The following SGCZ variants were observed in gnomAD, a reference collection of about 807,000 sequenced individuals.
SGCZ encodes sarcoglycan zeta, also known as zeta-sarcoglycan.
SGCZ carries 40 observed loss-of-function variants against 41.3 expected under a neutral mutation model. The ratio of observed to expected loss-of-function variants is 0.97; its 90% CI spans 0.75 to 1.26. The LOEUF (loss-of-function observed/expected upper bound fraction) is 1.26. SGCZ is among the 50% of genes most tolerant of loss of function. SGCZ has a pLI of 0.00. For missense variants in SGCZ, 552 were observed against 369.8 expected (o/e 1.49, Z -4.04); for synonymous variants, 206 against 137.5 (o/e 1.50, Z -3.49).
chr8:15,206,292 G>A (rs549776715), intron 1 of SGCZ, among the ~76,000 whole-genome samples: 205 of 152,248 alleles, frequency 1.3e-3, no homozygotes, highest in African/African-American at 4.8e-3. Context: ...ATTACAGGCT[G>A]AGTTGGTTGT....
In SGCZ at chr8:15,089,056, G is replaced by A. The variant is rs78947654; in HGVS notation, c.39+148529C>T. ...TGAGCAACACATTTTATTGCTATTA[G>A]CAGTGGAAAAAACGATCTCCAACTT... On this transcript the variant is annotated intron_variant, in intron 1 of 7. Transcript: ENST00000382080. Among the ~76,000 whole-genome samples the A allele has an allele frequency of 5.5e-3, 834 of 152,126 alleles. 7 individuals carry two copies. The highest frequency in any genetic ancestry group is 0.019 in the African/African-American group (790 of 41,494).
chr8:14,832,273 T>C (rs558811382), intron 1 of SGCZ, among the ~76,000 whole-genome samples: 77 of 152,200 alleles, frequency 5.1e-4, no homozygotes, highest in Non-Finnish European at 9.7e-4. Context: ...AAAGCTATTA[T>C]GTGGTTGACC....
chr8:14,252,116 A>C (rs1291252703), intron 3 of SGCZ, among the ~76,000 whole-genome samples: 1 of 152,030 alleles, frequency 6.6e-6, no homozygotes, highest in Admixed American at 6.6e-5. Flanking sequence ...CACATTAGAT[A>C]TGTGTTATAT....
At chr8:14,686,299 A>C (rs1264423882) in intron 1 of SGCZ, among the ~76,000 whole-genome samples, 2 of 152,182 alleles carry the variant, frequency 1.3e-5, no homozygotes, top group African/African-American at 2.4e-5. Context: ...ACTAAATTTG[A>C]GTAATTTGAA....
intron 1 of SGCZ, among the ~76,000 whole-genome samples, chr8:14,751,397 C>A (rs1255474736): frequency 6.6e-6 from 1 of 152,054 alleles, no homozygotes; most frequent in East Asian, 1.9e-4. Context: ...AGTATTTATA[C>A]CATATGACAT....
intron 1 of SGCZ, among the ~76,000 whole-genome samples, chr8:14,620,390 A>C (rs754159388): frequency 6.6e-6 from 1 of 152,206 alleles, no homozygotes; most frequent in Non-Finnish European, 1.5e-5. Context: ...GAAGGACTTC[A>C]TGTCTAAAAC....
At chr8:14,444,773 G>A (rs766225822) in intron 2 of SGCZ, among the ~76,000 whole-genome samples, 12 of 151,648 alleles carry the variant, frequency 7.9e-5, no homozygotes, top group Admixed American at 3.9e-4. Context: ...GTAACTAACC[G>A]GCATATTGGG....
chr8:14,737,051 A>G (rs1817272995), intron 1 of SGCZ, among the ~76,000 whole-genome samples: 2 of 149,600 alleles, frequency 1.3e-5, no homozygotes, highest in African/African-American at 4.9e-5. Context: ...ACATATAGCT[A>G]TATATCTATA....
intron 2 of SGCZ, among the ~76,000 whole-genome samples, chr8:14,476,775 A>G (rs1801373713): frequency 6.6e-6 from 1 of 152,196 alleles, no homozygotes; most frequent in Non-Finnish European, 1.5e-5. Flanking sequence ...TGGCTGCCAT[A>G]AGAACTAAAA....
chr8:14,711,879 C>A (rs1029480358), intron 1 of SGCZ, among the ~76,000 whole-genome samples: 1 of 152,110 alleles, frequency 6.6e-6, no homozygotes, highest in Non-Finnish European at 1.5e-5. Context: ...TAATTGAAAG[C>A]CAATATACTG....
At chr8:14,099,205 T>A (rs1441471585) in intron 7 of SGCZ, among the ~76,000 whole-genome samples, 1 of 152,198 alleles carries the variant, frequency 6.6e-6, no homozygotes, top group Non-Finnish European at 1.5e-5. Flanking sequence ...TGAGCATATC[T>A]TTTTCTGTTC....
Position 15,208,902 on chromosome 8 carries a change from T to TATATAGAG in SGCZ, c.39+28682_39+28683insCTCTATAT, listed in dbSNP as rs1411869670. ...ATACACATATCCCTATACATATATA[T>TATATAGAG]AGAGAGAGAGAGAGAGAGAGAATTG... On this transcript the variant is annotated intron_variant, in intron 1 of 7. Coordinates refer to ENST00000382080, the MANE Select transcript of SGCZ (RefSeq NM_139167.4). 4.2e-3 allele frequency among the ~76,000 whole-genome samples: 632 copies of TATATAGAG among 149,968 alleles called. 4 individuals are homozygous for TATATAGAG. Among genetic ancestry groups the TATATAGAG allele is most frequent in the Non-Finnish European group, 3.5e-3 (237 of 67,518 alleles).
At chr8:14,734,849 T>TA (rs35126181) in intron 1 of SGCZ, among the ~76,000 whole-genome samples, 45 of 151,912 alleles carry the variant, frequency 3.0e-4, no homozygotes, top group Non-Finnish European at 5.9e-5. Context: ...TACCTTAATT[T>TA]AAAAAAAATT....
In SGCZ at chr8:14,622,083, G is replaced by A. The variant is rs533791981; in HGVS notation, c.40-67157C>T. ...CTAGATGAGGTCATCAGATAAGTTT[G>A]TATAGGTAGAAAAAAGAAGAGGTAC... On this transcript the variant is annotated intron_variant, in intron 1 of 7. Coordinates refer to ENST00000382080, the MANE Select transcript of SGCZ (RefSeq NM_139167.4). Among the ~76,000 whole-genome samples, 162 of 152,192 alleles carry A rather than the reference G, an allele frequency of 1.1e-3. 3 individuals are homozygous for A. The highest frequency in any genetic ancestry group is 3.8e-3 in the African/African-American group (158 of 41,542).
At chr8:14,578,939 C>T (rs757692547) in intron 1 of SGCZ, among the ~76,000 whole-genome samples, 15 of 152,080 alleles carry the variant, frequency 9.9e-5, no homozygotes, top group Non-Finnish European at 1.9e-4. Flanking sequence ...ACTCTTCTGT[C>T]GTTTACTTTA....
At chr8:14,876,765 G>C (rs1804371549) in intron 1 of SGCZ, among the ~76,000 whole-genome samples, 1 of 152,108 alleles carries the variant, frequency 6.6e-6, no homozygotes, top group African/African-American at 2.4e-5. Flanking sequence ...GAAATATCAA[G>C]AATTAGGAAG....
At chr8:14,885,165 G>T (rs143945806) in intron 1 of SGCZ, among the ~76,000 whole-genome samples, 1 of 152,182 alleles carries the variant, frequency 6.6e-6, no homozygotes, top group East Asian at 1.9e-4. Context: ...TATCACATAC[G>T]AATCTCTATT....
chr8:14,183,347 T>G (rs1178668974), intron 4 of SGCZ, among the ~76,000 whole-genome samples: 1 of 151,970 alleles, frequency 6.6e-6, no homozygotes, highest in Non-Finnish European at 1.5e-5. Flanking sequence ...TGATAGAAAA[T>G]CATAACTCTT....
chr8:15,018,414 C>G (rs1803121878), intron 1 of SGCZ, among the ~76,000 whole-genome samples: 1 of 152,092 alleles, frequency 6.6e-6, no homozygotes, highest in Non-Finnish European at 1.5e-5. Context: ...TGAAATATGT[C>G]TTGATGAAAA....
Sources: allele counts gnomAD v4.1 joint callset (sites outside exome capture counted in the v4.1 genomes callset), GRCh38; gene constraint gnomAD v4.1.1; transcripts MANE v1.5; gene names NCBI Gene and HGNC (gene_info 2026-07-23, HGNC 2026-07-21).